SOX5: variants seen among roughly 807,000 people sequenced by gnomAD.
The protein encoded by SOX5 is SRY-box transcription factor 5, also known as transcription factor SOX-5.
In SOX5, 9 loss-of-function variants were observed where a neutral mutation model predicts 92.0. The observed-to-expected ratio is 0.10, with a 90% CI of 0.06 to 0.17. The LOEUF (loss-of-function observed/expected upper bound fraction) is 0.17. Ranked by LOEUF, SOX5 falls within the 10% of genes least tolerant of loss-of-function variation. The pLI, the probability that SOX5 is intolerant of heterozygous loss-of-function variation, is 1.00. For synonymous variants in SOX5, 344 were observed against 336.3 expected (o/e 1.02, Z -0.25); for missense variants, 642 against 944.5 (o/e 0.68, Z 4.20).
intron 1 of SOX5, among the ~76,000 whole-genome samples, chr12:24,473,905 T>A (rs575402520): frequency 2.0e-5 from 3 of 152,340 alleles, no homozygotes; most frequent in East Asian, 3.9e-4. Flanking sequence ...TGTAGATACA[T>A]AAGAGATGAA....
At chr12:24,515,658 A>G (rs1949714816) in intron 1 of SOX5, among the ~76,000 whole-genome samples, 1 of 152,204 alleles carries the variant, frequency 6.6e-6, no homozygotes, top group Non-Finnish European at 1.5e-5. Flanking sequence ...GACTTTACTT[A>G]CCAATTCACC....
At chr12:23,829,035 G>C (rs2096274153) in intron 3 of SOX5, among the ~76,000 whole-genome samples, 2 of 151,980 alleles carry the variant, frequency 1.3e-5, no homozygotes, top group South Asian at 4.1e-4. Flanking sequence ...AGAACTCTGG[G>C]AGCAGGTGGC....
At chr12:24,206,278 G>A (rs576247315) in intron 4 of SOX5, among the ~76,000 whole-genome samples, 29 of 152,082 alleles carry the variant, frequency 1.9e-4, no homozygotes, top group South Asian at 6.2e-4. Flanking sequence ...TCTGCATTGC[G>A]TATTTATCTT....
At chr12:24,232,301 A>G (rs1963560417) in intron 3 of SOX5, among the ~76,000 whole-genome samples, 1 of 152,218 alleles carries the variant, frequency 6.6e-6, no homozygotes. Flanking sequence ...CTTCTGAAAT[A>G]TGGGGATAAC....
intron 1 of SOX5, among the ~76,000 whole-genome samples, chr12:24,371,606 T>C (rs1346873501): frequency 3.9e-5 from 6 of 152,246 alleles, no homozygotes; most frequent in Non-Finnish European, 7.3e-5. Context: ...CTTAACCATA[T>C]AGACACCAGA....
chr12:24,378,378 G>A (rs377692296), intron 1 of SOX5, among the ~76,000 whole-genome samples: 9 of 152,014 alleles, frequency 5.9e-5, no homozygotes, highest in African/African-American at 1.2e-4. Context: ...TTATTAACTC[G>A]GTTCTGATTA....
At chr12:23,953,096 T>G (rs886221246), upstream of SOX5, among the ~76,000 whole-genome samples, 4 of 152,148 alleles carry the variant, frequency 2.6e-5, no homozygotes, top group Non-Finnish European at 5.9e-5. Context: ...TTTTAAAATG[T>G]ACCTCTCTAA....
intron 4 of SOX5, among the ~76,000 whole-genome samples, chr12:24,066,280 T>C (rs1940727397): frequency 6.6e-6 from 1 of 152,214 alleles, no homozygotes; most frequent in African/African-American, 2.4e-5. Context: ...ACACCAAAAA[T>C]CACAATGTGA....
intron 4 of SOX5, among the ~76,000 whole-genome samples, chr12:24,210,094 T>C (rs1246916960): frequency 7.0e-6 from 1 of 142,866 alleles, no homozygotes; most frequent in African/African-American, 2.6e-5. Flanking sequence ...TTTAACCTAA[T>C]AATTTTCTGA....
chr12:23,984,291 G>C (rs1417601180), intron 4 of SOX5, among the ~76,000 whole-genome samples: 1 of 152,136 alleles, frequency 6.6e-6, no homozygotes, highest in Non-Finnish European at 1.5e-5. Flanking sequence ...TGCTACAACA[G>C]GAGCAAGTTT....
chr12:24,154,619 A>G (rs1219690114), intron 4 of SOX5, among the ~76,000 whole-genome samples: 1 of 152,174 alleles, frequency 6.6e-6, no homozygotes, highest in African/African-American at 2.4e-5. Flanking sequence ...AAAATTTATG[A>G]AGAGTTTCTA....
chr12:24,067,360 A>G (rs1040380517), intron 4 of SOX5, among the ~76,000 whole-genome samples: 2 of 152,208 alleles, frequency 1.3e-5, no homozygotes, highest in African/African-American at 4.8e-5. Flanking sequence ...CAGCATTAGT[A>G]CCAAGGGTTT....
At chr12:24,181,110 T>C (rs981578226) in intron 4 of SOX5, among the ~76,000 whole-genome samples, 1 of 152,212 alleles carries the variant, frequency 6.6e-6, no homozygotes, top group Non-Finnish European at 1.5e-5. Flanking sequence ...GAGGAAAAAC[T>C]AGCTGTATTG....
intron 1 of SOX5, among the ~76,000 whole-genome samples, chr12:24,539,179 C>T (rs1022291332): frequency 6.6e-6 from 1 of 151,768 alleles, no homozygotes; most frequent in Non-Finnish European, 1.5e-5. Context: ...GAACAAAGTA[C>T]CTATTAGTTT....
In SOX5 at chr12:23,779,324, A is replaced by G. The variant is rs1020562436; in HGVS notation, c.482-23600T>C. 4.0e-5 allele frequency among the ~76,000 whole-genome samples: 6 copies of G among 151,252 alleles called. No individual in the cohort carries two copies. The East Asian group carries it at 1.2e-3, about 29-fold the overall frequency. On this transcript the variant is annotated intron_variant, in intron 3 of 14. Coordinates refer to ENST00000451604, the MANE Select transcript of SOX5 (RefSeq NM_006940.6). ...TTACAAAATCATCTGAACCCAGTAAAATCATGTGATTTTACTTCCACTGAA... is the reference window on the plus strand; with the variant it reads ...TTACAAAATCATCTGAACCCAGTAAGATCATGTGATTTTACTTCCACTGAA...
At chr12:24,524,796 C>G (rs1407795175) in intron 1 of SOX5, among the ~76,000 whole-genome samples, 1 of 152,078 alleles carries the variant, frequency 6.6e-6, no homozygotes, top group Non-Finnish European at 1.5e-5. Context: ...GCAGAAGGAT[C>G]GCTGGAGGCC....
At chr12:23,715,819 A>AGC (rs918448691) in intron 6 of SOX5, among the ~76,000 whole-genome samples, 1 of 150,956 alleles carries the variant, frequency 6.6e-6, no homozygotes, top group African/African-American at 2.4e-5. Flanking sequence ...CAAAAAAAAA[A>AGC]AAAAAAAAAA....
intron 2 of SOX5, among the ~76,000 whole-genome samples, chr12:24,331,873 A>AAAAAAAAAAAAAAT: frequency 7.1e-6 from 1 of 141,198 alleles, no homozygotes; most frequent in Non-Finnish European, 1.6e-5. Flanking sequence ...AAAAAAAAAA[A>AAAAAAAAAAAAAAT]AAGGAAAGAA....
chr12:23,580,899 C>T (rs552545513), intron 9 of SOX5, among the ~76,000 whole-genome samples: 74 of 152,070 alleles, frequency 4.9e-4, no homozygotes, highest in African/African-American at 6.3e-4. Context: ...TAGCCTTAGA[C>T]GCACTGAGGG....
Sources: allele counts gnomAD v4.1 joint callset (sites outside exome capture counted in the v4.1 genomes callset), GRCh38; gene constraint gnomAD v4.1.1; transcripts MANE v1.5; gene names NCBI Gene and HGNC (gene_info 2026-07-23, HGNC 2026-07-21).